ANKFY1: variants seen among roughly 807,000 people sequenced by gnomAD.
ANKFY1 encodes ankyrin repeat and FYVE domain-containing protein 1.
A neutral mutation model predicts 128.3 loss-of-function variants in ANKFY1; 47 were observed. That is an observed-to-expected ratio of 0.37 (90% CI 0.29 to 0.47). ANKFY1 has a LOEUF of 0.47. Ranked by LOEUF, ANKFY1 falls within the 20% of genes least tolerant of loss-of-function variation. The probability of loss-of-function intolerance (pLI) is 1.00; values close to 1 mark genes in which losing one functional copy is unlikely to be tolerated. For synonymous variants in ANKFY1, 553 were observed against 601.6 expected, an observed-to-expected ratio of 0.92 and a Z score of 1.18; for missense variants, 1,222 against 1,510.6, an observed-to-expected ratio of 0.81 and a Z score of 3.17.
At chr17:4,187,337 C>A in intron 11 of ANKFY1, 1 of 398,602 alleles carries the variant, frequency 2.5e-6, no homozygotes, top group South Asian at 1.3e-4. Context: ...CAGGACAGGT[C>A]ATTGCTTGTC....
rs779185254 is a variant in ANKFY1 at position 4,217,102 on chromosome 17, C to T, written c.339G>A (p.Val113=). 1.1e-5 allele frequency: 17 copies of T among 1,612,256 alleles called. No individual in the cohort carries two copies. In the East Asian group the frequency reaches 3.3e-4, roughly 32 times the overall value. The change falls in exon 4 of 25, where the codon GTG becomes GTA. Residue 113 remains valine (V), a synonymous_variant. Coordinates refer to ENST00000341657, the MANE Select transcript of ANKFY1 (RefSeq NM_001330063.2). ...ELDLSDANPE[V]TMTMLRWIYT... Reference sequence around the variant, plus strand: ...AGATCCAGCGAAGCATTGTCATCGTCACCTCAGGATTAGCATCTGGTTAAA... The same window carrying T: ...AGATCCAGCGAAGCATTGTCATCGTTACCTCAGGATTAGCATCTGGTTAAA...
rs543642095 is a variant in ANKFY1 at position 4,212,996 on chromosome 17, C to T, written c.459-3049G>A. Among the ~76,000 whole-genome samples the T allele has an allele frequency of 4.0e-5, 6 of 151,740 alleles. No individual in the cohort carries two copies. In the East Asian group the frequency reaches 1.2e-3, roughly 30 times the overall value. ...TTCCCCATGTTAGCCAGGATGGTCTCGATCTTCTGACCTCATGACCCGCCC... is the reference window on the plus strand; with the variant it reads ...TTCCCCATGTTAGCCAGGATGGTCTTGATCTTCTGACCTCATGACCCGCCC... On this transcript the variant is annotated intron_variant, in intron 4 of 24. Transcript: ENST00000341657.
chr17:4,196,732 C>T (rs560580273), intron 8 of ANKFY1, among the ~76,000 whole-genome samples: 35 of 152,302 alleles, frequency 2.3e-4, no homozygotes, highest in African/African-American at 8.2e-4. Context: ...CTCAATAGTT[C>T]TTCAAACTAT....
intron 1 of ANKFY1, chr17:4,263,483 A>AAC: frequency 1.4e-6 from 1 of 695,320 alleles, no homozygotes; most frequent in Non-Finnish European, 2.0e-6. Flanking sequence ...ACCCCACCTC[A>AAC]CCCCAACCCA....
chr17:4,255,694 T>C (rs1968077206), intron 1 of ANKFY1, among the ~76,000 whole-genome samples: 1 of 152,228 alleles, frequency 6.6e-6, no homozygotes, highest in Non-Finnish European at 1.5e-5. Context: ...TCCAGGCTTA[T>C]ATTAGGATCT....
chr17:4,183,243 C>G (rs887216260), intron 14 of ANKFY1, among the ~76,000 whole-genome samples, 155 bp downstream of exon 14: 1 of 152,232 alleles, frequency 6.6e-6, no homozygotes, highest in Non-Finnish European at 1.5e-5. Flanking sequence ...TGATGATATT[C>G]AGTGATGACA....
rs768458511 is a variant in ANKFY1 at position 4,179,039 on chromosome 17, G to C, written c.2416C>G (p.Pro806Ala). 7 of 1,614,122 alleles carry C rather than the reference G, an allele frequency of 4.3e-6. No homozygotes were observed. The highest frequency in any genetic ancestry group is 5.9e-6 in the Non-Finnish European group (7 of 1,180,030). Residue 806 changes from proline to alanine, a missense_variant, in exon 18 of 25, where the codon CCC becomes GCC. Physicochemically the swap from Pro to Ala is conservative, Grantham distance 27. Transcript: ENST00000341657. ...VNAQDAEGRT[P>A]IHVAISSQHG... ...TGGCTGCTGATGGCCACGTGGATGGGGGTTCTTCCTTCTGCATCCTATGGA... is the reference window on the plus strand; with the variant it reads ...TGGCTGCTGATGGCCACGTGGATGGCGGTTCTTCCTTCTGCATCCTATGGA...
At chr17:4,234,772 G>C (rs1966862775) in intron 3 of ANKFY1, among the ~76,000 whole-genome samples, 1 of 152,048 alleles carries the variant, frequency 6.6e-6, no homozygotes, top group African/African-American at 2.4e-5. Context: ...GCCTCTCAAA[G>C]TGCTAGGATT....
At chr17:4,174,181 G>A in intron 19 of ANKFY1, 125 bp from the exon 20 acceptor site, 2 of 1,146,050 alleles carry the variant, frequency 1.7e-6, no homozygotes, top group Admixed American at 2.6e-5. Flanking sequence ...TGACAGAGCT[G>A]GGAGCATAGG....
Position 4,189,312 on chromosome 17 carries a change from C to T in ANKFY1, c.1470+70G>A. ...AAAAAACCACCTATTCCCCTTTTTC[C>T]TACATATCCACCACTGCCATTTCTT... On this transcript the variant is annotated intron_variant, in intron 11 of 24. Transcript: ENST00000341657. 5 of 1,340,376 alleles carry T rather than the reference C, an allele frequency of 3.7e-6. No individual in the cohort carries two copies. The Admixed American group carries it at 9.1e-5, about 24-fold the overall frequency. The allele number at this position is 1,340,376 out of a possible 1,614,324, so 83.0% of individuals were successfully genotyped here.
In ANKFY1 at chr17:4,230,673, G is replaced by C. The variant is rs116583192; in HGVS notation, c.322+5099C>G. ...GGGTTTAACAGACAAAAATTATATA[G>C]AGTTAATGTATGACATGTTTTGATA... On this transcript the variant is annotated intron_variant, in intron 3 of 24. Transcript: ENST00000341657. 4.9e-3 allele frequency among the ~76,000 whole-genome samples: 752 copies of C among 152,050 alleles called. 4 individuals carry two copies. The highest frequency in any genetic ancestry group is 0.018 in the African/African-American group (732 of 41,470).
intron 1 of ANKFY1, among the ~76,000 whole-genome samples, chr17:4,246,145 G>C (rs562513918): frequency 1.3e-5 from 2 of 152,328 alleles, no homozygotes; most frequent in Admixed American, 6.5e-5. Context: ...AGAGCACTCT[G>C]ATAGGGGATA....
intron 22 of ANKFY1, among the ~76,000 whole-genome samples, chr17:4,172,286 G>A (rs1480957452): frequency 6.6e-6 from 1 of 152,142 alleles, no homozygotes. Context: ...TGGACAAAAG[G>A]CAAATGAGGG....
At chr17:4,258,241 T>C (rs911293639) in intron 1 of ANKFY1, among the ~76,000 whole-genome samples, 2 of 152,076 alleles carry the variant, frequency 1.3e-5, no homozygotes, top group Non-Finnish European at 2.9e-5. Flanking sequence ...ATTTCAGAAG[T>C]AGGGCCGGGC....
In ANKFY1 at chr17:4,178,879, C is replaced by T. The variant is rs765652697; in HGVS notation, c.2576G>A (p.Arg859Gln). ...CACCTGCTCAGCAGCCCCGGACTCT[C>T]GTTTGAGAATGGCCTCGGCTGACTT... Reference protein sequence around the residue: ...NNKSAEAILKRESGAAEQVDN... With the variant: ...NNKSAEAILKQESGAAEQVDN... Residue 859 changes from arginine to glutamine, a missense_variant, in exon 18 of 25, where the codon CGA becomes CAA. Physicochemically the swap from Arg to Gln is conservative, Grantham distance 43. Transcript: ENST00000341657. The surrounding 1 kb of genome is among the most constrained non-coding windows in gnomAD (Gnocchi z 4.1). The T allele has an allele frequency of 1.1e-5, 17 of 1,614,098 alleles. No homozygotes were observed. Among genetic ancestry groups the T allele is most frequent in the Admixed American group, 6.7e-5 (4 of 60,006 alleles).
intron 3 of ANKFY1, chr17:4,223,732 G>A: frequency 6.3e-7 from 1 of 1,585,498 alleles, no homozygotes; most frequent in Non-Finnish European, 8.7e-7. Flanking sequence ...TTGCTGTGAT[G>A]GCCTGTTGCT....
intron 19 of ANKFY1, 53 bp from the exon 20 acceptor site, chr17:4,174,109 C>A: frequency 6.3e-7 from 1 of 1,591,228 alleles, no homozygotes. Context: ...ATCAAGATCC[C>A]CCTTATGGGG....
intron 1 of ANKFY1, among the ~76,000 whole-genome samples, chr17:4,256,000 T>G (rs554033246): frequency 6.6e-6 from 1 of 152,052 alleles, no homozygotes; most frequent in Non-Finnish European, 1.5e-5. Flanking sequence ...GTATTTTTAG[T>G]AGAGACGGGG....
chr17:4,178,739 C>T lies in ANKFY1; in HGVS notation c.2598+118G>A. ...ACAGCCACATCTTAGGACAGGAGTA[C>T]AACTTCAAAACAAAGCTCTTTCCAT... On this transcript the variant is annotated intron_variant, in intron 18 of 24. Transcript: ENST00000341657. The surrounding 1 kb of genome is among the most constrained non-coding windows in gnomAD (Gnocchi z 4.1). 2.0e-6 allele frequency: 2 copies of T among 1,012,266 alleles called. No homozygotes were observed. The highest frequency in any genetic ancestry group is 3.0e-6 in the Non-Finnish European group (2 of 671,532). The allele number at this position is 1,012,266 out of a possible 1,614,324, so 62.7% of individuals were successfully genotyped here.
Sources: gnomAD v4.1 joint callset for allele counts (sites outside exome capture counted in the v4.1 genomes callset) on GRCh38, gnomAD v4.1.1 for gene constraint, Gnocchi (gnomAD v3.1) non-coding constraint, MANE v1.5 for transcripts, NCBI Gene and HGNC (gene_info 2026-07-23, HGNC 2026-07-21) for gene names.